The following ADAM17 variants were observed in gnomAD, a reference collection of about 807,000 sequenced individuals.
ADAM17 encodes ADAM metallopeptidase domain 17.
Under a neutral mutation model 96.7 loss-of-function variants are expected in ADAM17, and 39 were observed. That is an observed-to-expected ratio of 0.40 (90% CI 0.31 to 0.53). The LOEUF (loss-of-function observed/expected upper bound fraction) is 0.53. Ranked by LOEUF, ADAM17 falls within the 20% of genes least tolerant of loss-of-function variation. The pLI is 0.44. For synonymous variants in ADAM17, 344 were observed against 359.2 expected (o/e 0.96, Z 0.48); for missense variants, 777 against 1,013.2 (o/e 0.77, Z 3.17).
chr2:9,503,931 T>A (rs1486283567), intron 12 of ADAM17, among the ~76,000 whole-genome samples: 1 of 151,502 alleles, frequency 6.6e-6, no homozygotes, highest in Non-Finnish European at 1.5e-5. Context: ...GAAGGGTGGA[T>A]CACTTGAGCC....
intron 11 of ADAM17, among the ~76,000 whole-genome samples, chr2:9,508,859 G>T (rs13410158): frequency 0.52 from 78,247 of 151,806 alleles, 21,080 homozygotes; most frequent in Middle Eastern, 0.67. Flanking sequence ...AGACAAAAAG[G>T]GGTAGAAAAA....
chr2:9,504,316 G>A (rs896897745), intron 12 of ADAM17, among the ~76,000 whole-genome samples: 5 of 151,802 alleles, frequency 3.3e-5, no homozygotes, highest in East Asian at 1.9e-4. Context: ...GTGATGGTGC[G>A]TACCTGTAGT....
intron 4 of ADAM17, among the ~76,000 whole-genome samples, chr2:9,529,126 G>T (rs1664638625): frequency 6.6e-6 from 1 of 152,178 alleles, no homozygotes. Flanking sequence ...CAACACAGAT[G>T]AACCTTGGAA....
chr2:9,511,104 T>C (rs1663708653), intron 10 of ADAM17, among the ~76,000 whole-genome samples: 1 of 152,008 alleles, frequency 6.6e-6, no homozygotes, highest in Non-Finnish European at 1.5e-5. Context: ...ATCACATGTC[T>C]GTTAAAACCT....
At chr2:9,538,067 T>C (rs1182984052) in intron 2 of ADAM17, among the ~76,000 whole-genome samples, 2 of 150,604 alleles carry the variant, frequency 1.3e-5, no homozygotes, top group Admixed American at 6.6e-5. Flanking sequence ...CTATTCTTTT[T>C]GTTGAGTTTC....
chr2:9,491,260 T>A (rs1385728080), intron 17 of ADAM17, 109 bp from the exon 18 acceptor site: 17 of 970,304 alleles, frequency 1.8e-5, no homozygotes, highest in Non-Finnish European at 2.6e-5. Flanking sequence ...AGAACCTGAG[T>A]TGTAGAAAGT....
In ADAM17 at chr2:9,505,373, GA is replaced by G; in HGVS notation, c.1345-9del. On this transcript the variant is annotated splice_polypyrimidine_tract_variant and intron_variant, in intron 11 of 18. Coordinates refer to ENST00000310823, the MANE Select transcript of ADAM17 (RefSeq NM_003183.6). ...ACTGCAGTTTGAAAACATCTTGAGA[GA>G]AAAAAGGCAATAAGGACCCAAAATA... is the stretch of plus-strand genomic sequence containing the variant. The G allele has an allele frequency of 6.2e-7, 1 of 1,611,678 alleles. No homozygotes were observed. Among genetic ancestry groups the G allele is most frequent in the Non-Finnish European group, 8.5e-7 (1 of 1,178,180 alleles).
intron 10 of ADAM17, chr2:9,512,489 G>C (rs894136383): frequency 9.8e-5 from 15 of 152,286 alleles, no homozygotes; most frequent in Non-Finnish European, 5.9e-5. Context: ...ATAATGTTGG[G>C]GTGCTTTAGG....
At chr2:9,529,539 G>T (rs1179292892) in intron 4 of ADAM17, among the ~76,000 whole-genome samples, 3 of 152,160 alleles carry the variant, frequency 2.0e-5, no homozygotes, top group Non-Finnish European at 2.9e-5. Context: ...AATCTAAATA[G>T]ACAGTAGATC....
chr2:9,492,356 G>A (rs1407099695), intron 17 of ADAM17, among the ~76,000 whole-genome samples: 3 of 152,212 alleles, frequency 2.0e-5, no homozygotes, highest in Non-Finnish European at 4.4e-5. Flanking sequence ...AATTCAACTT[G>A]TAGCTGTTAC....
intron 4 of ADAM17, among the ~76,000 whole-genome samples, chr2:9,533,405 G>A (rs960492580): frequency 6.6e-6 from 1 of 151,832 alleles, no homozygotes; most frequent in Non-Finnish European, 1.5e-5. Flanking sequence ...AAATTAGCTG[G>A]GTGTGGTGGT....
At chr2:9,512,896 G>A (rs924022852) in intron 10 of ADAM17, among the ~76,000 whole-genome samples, 2 of 152,182 alleles carry the variant, frequency 1.3e-5, no homozygotes, top group African/African-American at 2.4e-5. Context: ...CGTGTGCCAG[G>A]AGGGAGGTAC....
rs546498774 is a variant in ADAM17, at chr2:9,554,049, C to CAA, written c.97+1458_97+1459dup. On this transcript the variant is annotated intron_variant, in intron 1 of 18. Transcript: ENST00000310823. ...CTGCACTCCAGCCTGGGCAACAGAG[C>CAA]AAGACTCTGTCTTGGAAAAAAAAAA... Among the ~76,000 whole-genome samples the CAA allele has an allele frequency of 1.5e-3, 229 of 151,960 alleles. 1 individual carries two copies. Among genetic ancestry groups the CAA allele is most frequent in the Middle Eastern group, 0.01 (3 of 294 alleles).
intron 14 of ADAM17, 151 bp from the exon 15 acceptor site, chr2:9,494,918 A>C: frequency 1.1e-6 from 1 of 898,264 alleles, no homozygotes; most frequent in Non-Finnish European, 1.6e-6. Context: ...AGCCCCCACC[A>C]AGGAGTAGTT....
At chr2:9,553,746 G>A (rs6432017) in intron 1 of ADAM17, among the ~76,000 whole-genome samples, 96,069 of 151,390 alleles carry the variant, frequency 0.63, 31,913 homozygotes, top group Middle Eastern at 0.76. Context: ...TCTGGCACAG[G>A]TGGTCTGCAT....
At chr2:9,509,843 T>G (rs778109372) in intron 11 of ADAM17, 136 bp downstream of exon 11, 8 of 1,153,720 alleles carry the variant, frequency 6.9e-6, no homozygotes, top group Non-Finnish European at 9.8e-6. Context: ...CACAACCACG[T>G]TTCAAGGTAC....
chr2:9,490,411 C>T lies in ADAM17; in HGVS notation c.2241G>A (p.Ser747=), dbSNP rs376456430. The change falls in exon 19 of 19, where the codon TCG becomes TCA. Residue 747 remains serine (S), a synonymous_variant. Coordinates refer to ENST00000310823, the MANE Select transcript of ADAM17 (RefSeq NM_003183.6). ...GGTCCAGTTTTGGAGCTGCTGGCGC[C>T]GAAGGGATCACAGGGGCAGGCTGCA... The part of the protein sequence containing the change: ...GRLQPAPVIP[S]APAAPKLDHQ... 20 of 1,613,940 alleles carry T rather than the reference C, an allele frequency of 1.2e-5. No homozygotes were observed. Among genetic ancestry groups the T allele is most frequent in the African/African-American group, 1.3e-5 (1 of 74,858 alleles).
intron 18 of ADAM17, 67 bp downstream of exon 18, chr2:9,491,034 G>T (rs1446637141): frequency 7.0e-7 from 1 of 1,421,222 alleles, no homozygotes; most frequent in Non-Finnish European, 9.8e-7. Context: ...TGGGTCAGGT[G>T]AAGGTCTTTG....
At chr2:9,543,840 A>G (rs1350351139) in intron 1 of ADAM17, among the ~76,000 whole-genome samples, 2 of 152,222 alleles carry the variant, frequency 1.3e-5, no homozygotes, top group Admixed American at 6.5e-5. Flanking sequence ...AGTAAGTTCT[A>G]ATATTTGATA....
Sources: allele counts gnomAD v4.1 joint callset (sites outside exome capture counted in the v4.1 genomes callset), GRCh38; gene constraint gnomAD v4.1.1; transcripts MANE v1.5; gene names NCBI Gene and HGNC (gene_info 2026-07-23, HGNC 2026-07-21).